Variants in BAZ1A observed in about 807,000 individuals in gnomAD.
BAZ1A encodes bromodomain adjacent to zinc finger domain 1A.
In BAZ1A, 50 loss-of-function variants were observed where a neutral mutation model predicts 185.2. The ratio of observed to expected loss-of-function variants is 0.27; its 90% CI spans 0.22 to 0.34. The LOEUF is 0.34. Among genes scored for constraint, BAZ1A ranks in the 10% least tolerant of loss-of-function variants. The pLI is 1.00. For missense variants in BAZ1A, 1,356 were observed against 1,839.9 expected (o/e 0.74, Z 4.81); for synonymous variants, 571 against 615.6 (o/e 0.93, Z 1.07).
chr14:34,792,494 C>T (rs1394177493), intron 12 of BAZ1A, among the ~76,000 whole-genome samples: 2 of 151,962 alleles, frequency 1.3e-5, no homozygotes. Context: ...AGATACTGGT[C>T]AATGAAATCT....
Position 34,820,132 on chromosome 14 carries a change from T to TG in BAZ1A, c.536+5880_536+5881insC, listed in dbSNP as rs1201140733. On this transcript the variant is annotated intron_variant, in intron 4 of 26. Transcript: ENST00000360310. ...TTAATTGGGTTCCTCGTTTTTTTTT[T>TG]TTTTTTTTTTTTTGAGACAGGGTCT... Among the ~76,000 whole-genome samples the TG allele has an allele frequency of 2.1e-3, 308 of 144,276 alleles. 3 individuals are homozygous for TG. The highest frequency in any genetic ancestry group is 7.6e-3 in the African/African-American group (297 of 39,254). 94.7% of individuals were successfully genotyped at this position (144,276 alleles called of 152,430 possible).
chr14:34,785,706 G>C (rs1362331884), intron 14 of BAZ1A, 71 bp downstream of exon 14: 2 of 1,317,392 alleles, frequency 1.5e-6, no homozygotes, highest in African/African-American at 2.9e-5. Flanking sequence ...TTTCTCATCA[G>C]CTCCTTAGTT....
chr14:34,764,289 C>CT (rs34861206), intron 23 of BAZ1A, among the ~76,000 whole-genome samples: 37,421 of 111,936 alleles, frequency 0.33, 7,143 homozygotes, highest in East Asian at 0.51. Context: ...TTTTTCTTTT[C>CT]TTTTTTTTTT....
At chr14:34,815,598 ATGTT>A (rs2041994096) in intron 4 of BAZ1A, among the ~76,000 whole-genome samples, 1 of 152,200 alleles carries the variant, frequency 6.6e-6, no homozygotes, top group South Asian at 2.1e-4. Flanking sequence ...AATTTCACAA[ATGTT>A]TATTTCAATA....
intron 7 of BAZ1A, among the ~76,000 whole-genome samples, chr14:34,801,436 C>T (rs1881550404): frequency 6.8e-6 from 1 of 146,484 alleles, no homozygotes; most frequent in African/African-American, 2.5e-5. Context: ...GGATTACAGG[C>T]ATGTGCCACC....
intron 4 of BAZ1A, among the ~76,000 whole-genome samples, chr14:34,824,527 A>G (rs1024617456): frequency 6.6e-6 from 1 of 151,760 alleles, no homozygotes; most frequent in Non-Finnish European, 1.5e-5. Context: ...ATGACCTTGT[A>G]CAAAGCCAAT....
intron 4 of BAZ1A, among the ~76,000 whole-genome samples, chr14:34,819,403 C>T (rs1262963776): frequency 6.6e-6 from 1 of 152,146 alleles, no homozygotes; most frequent in African/African-American, 2.4e-5. Flanking sequence ...TATCCTTTTA[C>T]TGTCTCCATA....
Position 34,794,756 on chromosome 14 carries a change from T to A in BAZ1A, c.1356A>T (p.Val452=). Residue 452 remains valine, a synonymous_variant, in exon 11 of 27, where the codon GTA becomes GTT. Transcript: ENST00000360310. ...FDLQDEFPDG[V]TLEVLEEALV... is the part of the protein sequence containing the mutation. ...GATAACTAAAGCACTTGCCTAGGGT[T>A]ACTCCATCAGGAAACTCATCTTGAA... 1 of 1,613,534 alleles carries A rather than the reference T, an allele frequency of 6.2e-7. No homozygotes were observed. The highest frequency in any genetic ancestry group is 8.5e-7 in the Non-Finnish European group (1 of 1,179,722).
At chr14:34,773,033 TAACAAC>T (rs984455420) in intron 20 of BAZ1A, among the ~76,000 whole-genome samples, 1 of 151,238 alleles carries the variant, frequency 6.6e-6, no homozygotes. Flanking sequence ...TCTCAAAAAA[TAACAAC>T]AACAACAACA....
chr14:34,784,033 T>G (rs2138609365), intron 14 of BAZ1A, 106 bp from the exon 15 acceptor site: 1 of 1,001,490 alleles, frequency 1.0e-6, no homozygotes, highest in African/African-American at 1.6e-5. Context: ...ATAAAGAATA[T>G]GGAGTAGTCT....
At chr14:34,873,261 C>A (rs1172649044) in intron 2 of BAZ1A, among the ~76,000 whole-genome samples, 1 of 152,142 alleles carries the variant, frequency 6.6e-6, no homozygotes, top group African/African-American at 2.4e-5. Flanking sequence ...TTACACGCGA[C>A]GTTACTTGGT....
chr14:34,874,460 C>T lies in BAZ1A; in HGVS notation c.113+32G>A. Reference sequence around the variant, plus strand: ...GCGCTGCGGGGGGAGTCCCCACACCCCCCGCGGCCCCGCACACGGCCCGGC... The same window carrying T: ...GCGCTGCGGGGGGAGTCCCCACACCTCCCGCGGCCCCGCACACGGCCCGGC... On this transcript the variant is annotated intron_variant, in intron 2 of 26. Coordinates refer to ENST00000360310, the MANE Select transcript of BAZ1A (RefSeq NM_013448.3). This position sits in a 1 kb window ranked among gnomAD's most constrained non-coding sequence, Gnocchi z 4.7. 6.3e-7 allele frequency: 1 copy of T among 1,581,436 alleles called. No homozygotes were observed. The highest frequency in any genetic ancestry group is 8.7e-7 in the Non-Finnish European group (1 of 1,151,812).
chr14:34,761,667 CT>C, intron 24 of BAZ1A, 89 bp downstream of exon 24: 1 of 1,206,760 alleles, frequency 8.3e-7, no homozygotes, highest in South Asian at 1.5e-5. Flanking sequence ...TAGTGACAGA[CT>C]TTAAAAAATG....
intron 14 of BAZ1A, among the ~76,000 whole-genome samples, chr14:34,784,334 C>T (rs1156351977): frequency 8.2e-6 from 1 of 121,912 alleles, no homozygotes; most frequent in African/African-American, 3.2e-5. Context: ...CACCACTGCA[C>T]TCCAACCTGG....
intron 5 of BAZ1A, among the ~76,000 whole-genome samples, chr14:34,810,190 C>G (rs1198970367): frequency 6.6e-6 from 1 of 152,136 alleles, no homozygotes; most frequent in Non-Finnish European, 1.5e-5. Context: ...AAATACAAGA[C>G]TGACTCCTAG....
rs767114844 is a variant in BAZ1A at position 34,874,621 on chromosome 14, G to A, written c.-17C>T. ...CAGCGGCATCTCCCGTCCGCCCGCG[G>A]GCTCGCCTGGACCCTCGGCCGCCCG... On this transcript the variant is annotated 5_prime_UTR_variant, in exon 2 of 27. Coordinates refer to ENST00000360310, the MANE Select transcript of BAZ1A (RefSeq NM_013448.3). The surrounding 1 kb of genome is among the most constrained non-coding windows in gnomAD (Gnocchi z 4.7). The A allele has an allele frequency of 3.1e-6, 5 of 1,599,620 alleles. No homozygotes were observed. In the South Asian group the frequency reaches 5.5e-5, roughly 18 times the overall value.
rs1432310158 is a variant in BAZ1A at position 34,780,249 on chromosome 14, A to G, written c.2173T>C (p.Leu725=). 1.2e-6 allele frequency: 2 copies of G among 1,613,654 alleles called. No individual in the cohort carries two copies. Among genetic ancestry groups the G allele is most frequent in the East Asian group, 4.5e-5 (2 of 44,776 alleles). Reference sequence around the variant, plus strand: ...TCTTCAGTGACCATATCTTGATCTAATTCCTTTTGCTCTGTGTCTTTGCTC... The same window carrying G: ...TCTTCAGTGACCATATCTTGATCTAGTTCCTTTTGCTCTGTGTCTTTGCTC... ...IESKDTEQKE[L]DQDMVTEDED... The change falls in exon 17 of 27, where the codon TTA becomes CTA. Residue 725 remains leucine, a synonymous_variant. Transcript: ENST00000360310.
intron 3 of BAZ1A, among the ~76,000 whole-genome samples, chr14:34,834,870 T>C (rs1056203108): frequency 1.3e-5 from 2 of 152,200 alleles, no homozygotes; most frequent in Non-Finnish European, 2.9e-5. Context: ...TTCAAGAGCA[T>C]AGAAACTATT....
intron 4 of BAZ1A, among the ~76,000 whole-genome samples, chr14:34,814,042 C>CA (rs34049193): frequency 0.4 from 47,798 of 118,338 alleles, 9,272 homozygotes; most frequent in Non-Finnish European, 0.51. Flanking sequence ...GAGTCTGTAT[C>CA]AAAAAAAAAA....
Sources: allele counts gnomAD v4.1 joint callset (sites outside exome capture counted in the v4.1 genomes callset), GRCh38; gene constraint gnomAD v4.1.1; non-coding constraint Gnocchi (gnomAD v3.1); transcripts MANE v1.5; gene names NCBI Gene and HGNC (gene_info 2026-07-23, HGNC 2026-07-21).